Variants in SUGCT observed in about 807,000 individuals in gnomAD.
SUGCT encodes the protein succinyl-CoA:glutarate-CoA transferase, also known as succinyl-CoA:glutarate CoA-transferase.
SUGCT carries 41 observed loss-of-function variants against 55.0 expected under a neutral mutation model. The ratio of observed to expected loss-of-function variants is 0.74; its 90% CI spans 0.58 to 0.97. The LOEUF is 0.97. SUGCT is among the 50% of genes least tolerant of loss of function. The probability of loss-of-function intolerance (pLI) is 0.00; values close to 1 mark genes in which losing one functional copy is unlikely to be tolerated. For synonymous variants in SUGCT, 187 were observed against 200.4 expected (o/e 0.93, Z 0.56); for missense variants, 568 against 547.8 (o/e 1.04, Z -0.37).
At position 40,443,978 on chromosome 7, in the gene SUGCT, G is replaced by A. The variant is rs562533237; in HGVS notation, c.817-5309G>A. Among the ~76,000 whole-genome samples, 21 of 152,192 alleles carry A rather than the reference G, an allele frequency of 1.4e-4. No individual in the cohort carries two copies. The East Asian group carries it at 3.9e-3, about 28-fold the overall frequency. On this transcript the variant is annotated intron_variant, in intron 9 of 13. Coordinates refer to ENST00000335693, the MANE Select transcript of SUGCT (RefSeq NM_001193313.2). ...TTCCCAGCACCATTTATTAAATAGGGAATCCTTTCCCCATTTCTTGTTTTT... is the reference window on the plus strand; with the variant it reads ...TTCCCAGCACCATTTATTAAATAGGAAATCCTTTCCCCATTTCTTGTTTTT...
Position 40,860,479 on chromosome 7 carries a change from A to G in SUGCT, c.1317A>G (p.Ter439TrpextTer29). The change falls in exon 14 of 14, where the codon TGA becomes TGG. Residue 439 changes from the stop codon to tryptophan, a stop_lost. Coordinates refer to ENST00000335693, the MANE Select transcript of SUGCT (RefSeq NM_001193313.2). Reference protein sequence around the residue: ...AGVVDQHETH* With the variant: ...AGVVDQHETHW ...TGGTGGACCAACATGAAACTCACTG[A>G]CAAAGGAAAAGGGCTCTTCCTCATA... The G allele has an allele frequency of 6.2e-7, 1 of 1,609,038 alleles. No homozygotes were observed. The highest frequency in any genetic ancestry group is 8.5e-7 in the Non-Finnish European group (1 of 1,176,280).
chr7:40,194,199 G>A (rs1305926868), intron 5 of SUGCT, among the ~76,000 whole-genome samples: 4 of 152,112 alleles, frequency 2.6e-5, no homozygotes, highest in Non-Finnish European at 5.9e-5. Context: ...GCTTAAGTGC[G>A]TTAAGTGCAT....
At chr7:40,689,730 T>C (rs904515586) in intron 12 of SUGCT, among the ~76,000 whole-genome samples, 8 of 136,074 alleles carry the variant, frequency 5.9e-5, no homozygotes, top group Non-Finnish European at 1.1e-4. Context: ...CCAAACTGGC[T>C]GGACAGTTTC....
At chr7:40,862,977 G>A (rs1478882400), downstream of SUGCT, among the ~76,000 whole-genome samples, 2 of 151,944 alleles carry the variant, frequency 1.3e-5, no homozygotes, top group East Asian at 3.9e-4. Flanking sequence ...GGTGGCTCAT[G>A]CCTGTAATCC....
chr7:40,756,388 T>C (rs879369709), intron 13 of SUGCT, among the ~76,000 whole-genome samples: 24 of 152,214 alleles, frequency 1.6e-4, no homozygotes, highest in Admixed American at 1.4e-3. Flanking sequence ...GATAACAATT[T>C]ATTTTACTTA....
At chr7:40,463,758 T>C (rs947213345) in intron 11 of SUGCT, among the ~76,000 whole-genome samples, 8 of 152,200 alleles carry the variant, frequency 5.3e-5, no homozygotes, top group African/African-American at 1.9e-4. Context: ...TTTTTATTAA[T>C]CTAAAGGTAG....
chr7:40,661,589 T>C (rs370633494), intron 12 of SUGCT, among the ~76,000 whole-genome samples: 14 of 152,206 alleles, frequency 9.2e-5, no homozygotes, highest in African/African-American at 2.9e-4. Context: ...TTTTCCCCTC[T>C]CATTTCTTTT....
intron 12 of SUGCT, among the ~76,000 whole-genome samples, chr7:40,663,263 T>C (rs1383430709): frequency 6.6e-6 from 1 of 151,932 alleles, no homozygotes; most frequent in Non-Finnish European, 1.5e-5. Context: ...ATTTTAACTT[T>C]TTCTTGCTTA....
chr7:40,710,132 G>C (rs1221468624), intron 12 of SUGCT, among the ~76,000 whole-genome samples: 1 of 152,152 alleles, frequency 6.6e-6, no homozygotes, highest in Non-Finnish European at 1.5e-5. Flanking sequence ...CCTAGATATT[G>C]CTCCTCTTTT....
chr7:40,513,781 G>GT (rs1444835593), intron 12 of SUGCT, among the ~76,000 whole-genome samples: 1 of 137,800 alleles, frequency 7.3e-6, no homozygotes, highest in Non-Finnish European at 1.6e-5. Context: ...GCTCAGGGAA[G>GT]TATTTTTTTT....
the SUGCT span, among the ~76,000 whole-genome samples, chr7:41,015,117 C>A: frequency 7.4e-3 from 1,125 of 152,262 alleles, 22 homozygotes; most frequent in African/African-American, 0.025. Flanking sequence ...TTTCCCTCTC[C>A]ATGGTCCAGT....
intron 12 of SUGCT, among the ~76,000 whole-genome samples, chr7:40,517,532 G>A (rs944167660): frequency 6.6e-6 from 1 of 152,050 alleles, no homozygotes. Context: ...TGTATTTTGA[G>A]TTGTTGAGTG....
chr7:40,637,699 A>G (rs950203779), intron 12 of SUGCT, among the ~76,000 whole-genome samples: 1 of 152,322 alleles, frequency 6.6e-6, no homozygotes, highest in South Asian at 2.1e-4. Flanking sequence ...AGATGCTGTC[A>G]TGTATTTACC....
intron 12 of SUGCT, among the ~76,000 whole-genome samples, chr7:40,565,020 C>A (rs1161271363): frequency 6.6e-6 from 1 of 152,322 alleles, no homozygotes; most frequent in South Asian, 2.1e-4. Context: ...TAACCACATC[C>A]TTCAACTAGA....
At chr7:40,273,064 T>G (rs1427249619) in intron 7 of SUGCT, among the ~76,000 whole-genome samples, 1 of 152,196 alleles carries the variant, frequency 6.6e-6, no homozygotes, top group East Asian at 1.9e-4. Context: ...TGTCTCTCAC[T>G]TTTAAGACAT....
chr7:40,248,020 T>C (rs892251735), intron 7 of SUGCT, among the ~76,000 whole-genome samples: 2 of 150,352 alleles, frequency 1.3e-5, no homozygotes, highest in African/African-American at 4.9e-5. Context: ...TTTGTTTTTT[T>C]TTTTTTTTGA....
intron 1 of SUGCT, among the ~76,000 whole-genome samples, chr7:40,142,846 C>G (rs1788057589): frequency 6.6e-6 from 1 of 152,162 alleles, no homozygotes; most frequent in Non-Finnish European, 1.5e-5. Flanking sequence ...GCTTGTAGCC[C>G]CTAATTACTC....
At chr7:40,462,976 G>A (rs1789886460) in intron 11 of SUGCT, among the ~76,000 whole-genome samples, 1 of 152,044 alleles carries the variant, frequency 6.6e-6, no homozygotes, top group East Asian at 1.9e-4. Context: ...TTTTCAACAT[G>A]TTGATATACA....
chr7:40,788,123 C>G (rs1790122217), intron 13 of SUGCT, among the ~76,000 whole-genome samples: 1 of 152,200 alleles, frequency 6.6e-6, no homozygotes, highest in African/African-American at 2.4e-5. Flanking sequence ...CCCTGAAGTT[C>G]CACCCCTGCC....
Sources: gnomAD v4.1 joint callset for allele counts (sites outside exome capture counted in the v4.1 genomes callset) on GRCh38, gnomAD v4.1.1 for gene constraint, MANE v1.5 for transcripts, NCBI Gene and HGNC (gene_info 2026-07-23, HGNC 2026-07-21) for gene names.